The following GTF2H4 variants were observed in gnomAD, a reference collection of about 807,000 sequenced individuals.
The protein encoded by GTF2H4 is general transcription factor IIH subunit 4.
In GTF2H4, 49 loss-of-function variants were observed where a neutral mutation model predicts 62.2. The observed-to-expected ratio is 0.79, with a 90% CI of 0.63 to 1.00. The LOEUF (loss-of-function observed/expected upper bound fraction) is 1.00. Ranked by LOEUF, GTF2H4 falls within the 50% of genes least tolerant of loss-of-function variation. The pLI is 0.00. For missense variants in GTF2H4, 479 were observed against 587.8 expected (o/e 0.81, Z 1.91); for synonymous variants, 189 against 233.8 (o/e 0.81, Z 1.75).
Position 30,910,174 on chromosome 6 carries a change from G to A in GTF2H4, c.374+111G>A, listed in dbSNP as rs962731403. On this transcript the variant is annotated intron_variant, in intron 4 of 13. Coordinates refer to ENST00000259895, the MANE Select transcript of GTF2H4 (RefSeq NM_001517.5). The surrounding 1 kb of genome is among the most constrained non-coding windows in gnomAD (Gnocchi z 4.7). ...CTGGGGGCCTCCCCAGAACCTTGTGGTCTCCACGTTGGGAACTCCTTTAGG... is the reference window on the plus strand; with the variant it reads ...CTGGGGGCCTCCCCAGAACCTTGTGATCTCCACGTTGGGAACTCCTTTAGG... The A allele has an allele frequency of 3.3e-6, 4 of 1,211,064 alleles. No individual in the cohort carries two copies. The highest frequency in any genetic ancestry group is 3.5e-6 in the Non-Finnish European group (3 of 852,182). The allele number at this position is 1,211,064 out of a possible 1,614,324, so 75.0% of individuals were successfully genotyped here. A position where few individuals can be genotyped will look rare whatever the true frequency, so the allele number is the denominator to read the frequency against.
rs957083975 is a variant in GTF2H4, at chr6:30,914,097, A to G, written c.*114A>G. The G allele has an allele frequency of 1.8e-6, 2 of 1,121,586 alleles. No homozygotes were observed. The highest frequency in any genetic ancestry group is 3.3e-5 in the African/African-American group (2 of 61,238). The allele number at this position is 1,121,586 out of a possible 1,614,324, so 69.5% of individuals were successfully genotyped here. A position where few individuals can be genotyped will look rare whatever the true frequency, so the allele number is the denominator to read the frequency against. On this transcript the variant is annotated 3_prime_UTR_variant, in exon 14 of 14. Transcript: ENST00000259895. ...GCTTTTCTTGTTTAATAAAGTTATG[A>G]TAGCTAGCAGTGCGGTCCCGGGCGC...
chr6:30,910,967 T>C lies in GTF2H4; in HGVS notation c.560+26T>C. On this transcript the variant is annotated intron_variant, in intron 6 of 13. Coordinates refer to ENST00000259895, the MANE Select transcript of GTF2H4 (RefSeq NM_001517.5). This position sits in a 1 kb window ranked among gnomAD's most constrained non-coding sequence, Gnocchi z 4.7. ...GTGAGGAAGCCGGAGGTACAGCAGC[T>C]CTCTGCTGTGCCATCTCCTTGGGTC... 6.5e-7 allele frequency: 1 copy of C among 1,530,436 alleles called. No individual in the cohort carries two copies. Among genetic ancestry groups the C allele is most frequent in the Non-Finnish European group, 9.0e-7 (1 of 1,115,848 alleles). The allele number at this position is 1,530,436 out of a possible 1,614,324, so 94.8% of individuals were successfully genotyped here.
Position 30,914,026 on chromosome 6 carries a change from C to T in GTF2H4, c.*43C>T, listed in dbSNP as rs1341431808. On this transcript the variant is annotated 3_prime_UTR_variant, in exon 14 of 14. Transcript: ENST00000259895. ...ACGGACCTCGGCGGGCGGGACTGGG[C>T]GGGGCGGGGCATCAGAACTCAGGTG... 1 of 608,072 alleles carries T rather than the reference C, an allele frequency of 1.6e-6. No homozygotes were observed. The highest frequency in any genetic ancestry group is 2.8e-6 in the Non-Finnish European group (1 of 355,888). 37.7% of individuals were successfully genotyped at this position (608,072 alleles called of 1,614,324 possible).
chr6:30,911,817 T>A lies in GTF2H4; in HGVS notation c.825+50T>A. ...TCCAGGGAAGAAACAGGGTGGTGTG[T>A]TGCCTTTGCCTTTAAAAAGGAGTGG... On this transcript the variant is annotated intron_variant, in intron 9 of 13. Transcript: ENST00000259895. The surrounding 1 kb of genome is among the most constrained non-coding windows in gnomAD (Gnocchi z 4.3). 1 of 1,526,734 alleles carries A rather than the reference T, an allele frequency of 6.5e-7. No homozygotes were observed. Among genetic ancestry groups the A allele is most frequent in the Non-Finnish European group, 9.1e-7 (1 of 1,102,446 alleles). The allele number at this position is 1,526,734 out of a possible 1,614,324, so 94.6% of individuals were successfully genotyped here.
chr6:30,913,032 GTGACATTA>G lies in GTF2H4; in HGVS notation c.1090-77_1090-70del. The G allele has an allele frequency of 7.2e-7, 1 of 1,387,132 alleles. No individual in the cohort carries two copies. Among genetic ancestry groups the G allele is most frequent in the East Asian group, 2.3e-5 (1 of 43,592 alleles). The allele number at this position is 1,387,132 out of a possible 1,614,324, so 85.9% of individuals were successfully genotyped here. A position where few individuals can be genotyped will look rare whatever the true frequency, so the allele number is the denominator to read the frequency against. On this transcript the variant is annotated intron_variant, in intron 11 of 13. Transcript: ENST00000259895. The surrounding 1 kb of genome is among the most constrained non-coding windows in gnomAD (Gnocchi z 4.2). ...GTTTTTAGAATAAGCTGATGTTCCA[GTGACATTA>G]GGTGACAGCTCAGATGGCTTTCCTG...
In GTF2H4 at chr6:30,910,746, C is replaced by A. The variant is rs61748588; in HGVS notation, c.456C>A (p.Ala152=). ...ACGTTCCCTCCCTTGACAAGTACGC[C>A]GAGGAGCGATGGGAGGTAAGCACTT... is the stretch of plus-strand genomic sequence containing the variant. ...ARDVPSLDKY[A]EERWEVVLHF... is the part of the protein sequence containing the mutation. The change falls in exon 5 of 14, where the codon GCC becomes GCA. Residue 152 remains alanine (A), a synonymous_variant. Coordinates refer to ENST00000259895, the MANE Select transcript of GTF2H4 (RefSeq NM_001517.5). The surrounding 1 kb of genome is among the most constrained non-coding windows in gnomAD (Gnocchi z 4.7). 15,522 of 1,612,544 alleles carry A rather than the reference C, an allele frequency of 9.6e-3. 112 individuals are homozygous for A. Among genetic ancestry groups the A allele is most frequent in the Non-Finnish European group, 0.012 (13,982 of 1,179,644 alleles).
At position 30,914,075 on chromosome 6, in the gene GTF2H4, T is replaced by C. The variant is rs1045069616; in HGVS notation, c.*92T>C. 7.2e-6 allele frequency: 9 copies of C among 1,250,580 alleles called. No homozygotes were observed. The highest frequency in any genetic ancestry group is 4.6e-5 in the African/African-American group (3 of 64,776). The allele number at this position is 1,250,580 out of a possible 1,614,324, so 77.5% of individuals were successfully genotyped here. The stretch of plus-strand genomic sequence containing the variant: ...TGTTTTTTATTTACGCGTCAGGGCT[T>C]TTCTTGTTTAATAAAGTTATGATAG... On this transcript the variant is annotated 3_prime_UTR_variant, in exon 14 of 14. Coordinates refer to ENST00000259895, the MANE Select transcript of GTF2H4 (RefSeq NM_001517.5).
At chr6:30,908,876 G>T (rs2150533648) in intron 1 of GTF2H4, among the ~76,000 whole-genome samples, 158 bp from the exon 2 acceptor site, 1 of 152,320 alleles carries the variant, frequency 6.6e-6, no homozygotes, top group African/African-American at 2.4e-5. Flanking sequence ...GATTGGTCAG[G>T]TTTGGGAGAA....
Position 30,909,841 on chromosome 6 carries a change from C to G in GTF2H4, c.243-91C>G, listed in dbSNP as rs1057333070. 4.7e-6 allele frequency: 6 copies of G among 1,277,124 alleles called. No homozygotes were observed. The African/African-American group carries it at 9.0e-5, about 19-fold the overall frequency. The allele number at this position is 1,277,124 out of a possible 1,614,324, so 79.1% of individuals were successfully genotyped here. On this transcript the variant is annotated intron_variant, in intron 3 of 13. Coordinates refer to ENST00000259895, the MANE Select transcript of GTF2H4 (RefSeq NM_001517.5). The surrounding 1 kb of genome is among the most constrained non-coding windows in gnomAD (Gnocchi z 4.3). ...CTCTGTGGAACAGTGTTCCAAGGGT[C>G]AGCAAGTTCAGAACAGGCAGAGATG...
Position 30,913,484 on chromosome 6 carries a change from A to C in GTF2H4, c.1216+97A>C. 7.3e-7 allele frequency: 1 copy of C among 1,370,760 alleles called. No individual in the cohort carries two copies. The highest frequency in any genetic ancestry group is 2.3e-5 in the East Asian group (1 of 42,620). 84.9% of individuals were successfully genotyped at this position (1,370,760 alleles called of 1,614,324 possible). A position where few individuals can be genotyped will look rare whatever the true frequency, so the allele number is the denominator to read the frequency against. Reference sequence around the variant, plus strand: ...TTTTTTACTTCATGGACTAGGAGAGAAAAGCTGGCAAGACAGTTTTTTGTT... The same window carrying C: ...TTTTTTACTTCATGGACTAGGAGAGCAAAGCTGGCAAGACAGTTTTTTGTT... On this transcript the variant is annotated intron_variant, in intron 13 of 13. Transcript: ENST00000259895. The surrounding 1 kb of genome is among the most constrained non-coding windows in gnomAD (Gnocchi z 4.2).
chr6:30,913,930 G>C lies in GTF2H4; in HGVS notation c.1336G>C (p.Ala446Pro), dbSNP rs773352779. 6.2e-7 allele frequency: 1 copy of C among 1,607,896 alleles called. No homozygotes were observed. The highest frequency in any genetic ancestry group is 1.1e-5 in the South Asian group (1 of 90,630). ...SAKRLMVVTP[A>P]GHSDVKRFWK... Reference sequence around the variant, plus strand: ...CAAGCGGCTCATGGTGGTGACCCCGGCCGGGCACAGCGACGTCAAGCGCTT... The same window carrying C: ...CAAGCGGCTCATGGTGGTGACCCCGCCCGGGCACAGCGACGTCAAGCGCTT... The change falls in exon 14 of 14, where the codon GCC becomes CCC. Residue 446 changes from alanine (A) to proline (P), a missense_variant. Coordinates refer to ENST00000259895, the MANE Select transcript of GTF2H4 (RefSeq NM_001517.5). This position sits in a 1 kb window ranked among gnomAD's most constrained non-coding sequence, Gnocchi z 4.2.
Position 30,912,910 on chromosome 6 carries a change from C to T in GTF2H4, c.1090-200C>T, listed in dbSNP as rs1793850151. 1.3e-5 allele frequency among the ~76,000 whole-genome samples: 2 copies of T among 152,096 alleles called. No individual in the cohort carries two copies. The highest frequency in any genetic ancestry group is 1.5e-5 in the Non-Finnish European group (1 of 67,982). On this transcript the variant is annotated intron_variant, in intron 11 of 13. Transcript: ENST00000259895. The surrounding 1 kb of genome is among the most constrained non-coding windows in gnomAD (Gnocchi z 4.8). Reference sequence around the variant, plus strand: ...AAAAACAAAACATTACTGGAAAGGGCGAATGTGCCAGAAAAGGAATATCCC... The same window carrying T: ...AAAAACAAAACATTACTGGAAAGGGTGAATGTGCCAGAAAAGGAATATCCC...
Position 30,912,411 on chromosome 6 carries a change from C to T in GTF2H4, c.1042C>T (p.Arg348Trp), listed in dbSNP as rs551263344. 5.3e-5 allele frequency: 85 copies of T among 1,612,814 alleles called. No homozygotes were observed. The highest frequency in any genetic ancestry group is 8.0e-5 in the African/African-American group (6 of 74,920). ...FPNMVVAQVTRESVQQAIASG... is the reference protein window; with the variant it reads ...FPNMVVAQVTWESVQQAIASG... ...CAACATGGTGGTGGCGCAGGTGACCCGGGAGAGTGTGCAGCAGGCAATCGC... is the reference window on the plus strand; with the variant it reads ...CAACATGGTGGTGGCGCAGGTGACCTGGGAGAGTGTGCAGCAGGCAATCGC... Residue 348 changes from arginine to tryptophan, a missense_variant, in exon 11 of 14, where the codon CGG becomes TGG. By Grantham distance (101) the Arg-to-Trp change is moderately radical (BLOSUM62 -3). Coordinates refer to ENST00000259895, the MANE Select transcript of GTF2H4 (RefSeq NM_001517.5). The surrounding 1 kb of genome is among the most constrained non-coding windows in gnomAD (Gnocchi z 4.8).
rs1582148633 is a variant in GTF2H4 at position 30,908,376 on chromosome 6, G to C, written c.-31G>C. On this transcript the variant is annotated 5_prime_UTR_variant, in exon 1 of 14. Coordinates refer to ENST00000259895, the MANE Select transcript of GTF2H4 (RefSeq NM_001517.5). ...CCGATTAAGCGACGGCCCGAGACTC[G>C]GGGTGCGCGAGGAGGATCGACAGAG... The C allele has an allele frequency of 6.5e-6, 1 of 154,916 alleles. No individual in the cohort carries two copies. Among genetic ancestry groups the C allele is most frequent in the Non-Finnish European group, 1.5e-5 (1 of 68,602 alleles). 9.6% of individuals were successfully genotyped at this position (154,916 alleles called of 1,614,324 possible). A position where few individuals can be genotyped will look rare whatever the true frequency, so the allele number is the denominator to read the frequency against.
Position 30,913,432 on chromosome 6 carries a change from A to G in GTF2H4, c.1216+45A>G, listed in dbSNP as rs551317020. ...CAAGTCTTGGTCATTGGCCAGAGAAAGGGCAGACAGTTCAGTCTGCATTTT... is the reference window on the plus strand; with the variant it reads ...CAAGTCTTGGTCATTGGCCAGAGAAGGGGCAGACAGTTCAGTCTGCATTTT... On this transcript the variant is annotated intron_variant, in intron 13 of 13. Transcript: ENST00000259895. This position sits in a 1 kb window ranked among gnomAD's most constrained non-coding sequence, Gnocchi z 4.2. The G allele has an allele frequency of 6.3e-6, 10 of 1,594,556 alleles. No homozygotes were observed. Among genetic ancestry groups the G allele is most frequent in the African/African-American group, 5.4e-5 (4 of 74,290 alleles).
chr6:30,911,954 G>A lies in GTF2H4; in HGVS notation c.826-60G>A. The A allele has an allele frequency of 1.9e-6, 3 of 1,588,024 alleles. No homozygotes were observed. The Admixed American group carries it at 5.1e-5, about 27-fold the overall frequency. On this transcript the variant is annotated intron_variant, in intron 9 of 13. Transcript: ENST00000259895. The surrounding 1 kb of genome is among the most constrained non-coding windows in gnomAD (Gnocchi z 4.3). ...TCTTGGGAGGGATCTGATATTTCAG[G>A]CAGGAAGATGTAAGGCAGTGACTTC...
chr6:30,909,215 C>T lies in GTF2H4; in HGVS notation c.137+42C>T, dbSNP rs752484085. On this transcript the variant is annotated intron_variant, in intron 2 of 13. Transcript: ENST00000259895. The surrounding 1 kb of genome is among the most constrained non-coding windows in gnomAD (Gnocchi z 4.3). ...TGGCAGGGAAATGTAATGGGGTCTG[C>T]GGAGTGGAATAAAATATCATAGGTA... The T allele has an allele frequency of 1.2e-5, 19 of 1,585,130 alleles. No individual in the cohort carries two copies. The highest frequency in any genetic ancestry group is 3.4e-5 in the South Asian group (3 of 88,230).
Position 30,912,949 on chromosome 6 carries a change from C to T in GTF2H4, c.1090-161C>T, listed in dbSNP as rs1793853260. ...AAGGAATATCCCACGTTGCTGGGAG[C>T]AGCAACGTGGGATAACAGCTGAACT... On this transcript the variant is annotated intron_variant, in intron 11 of 13. Coordinates refer to ENST00000259895, the MANE Select transcript of GTF2H4 (RefSeq NM_001517.5). This position sits in a 1 kb window ranked among gnomAD's most constrained non-coding sequence, Gnocchi z 4.8. Among the ~76,000 whole-genome samples the T allele has an allele frequency of 6.6e-6, 1 of 152,130 alleles. No homozygotes were observed. The highest frequency in any genetic ancestry group is 1.5e-5 in the Non-Finnish European group (1 of 68,034).
In GTF2H4 at chr6:30,914,030, G is replaced by A. The variant is rs1344951427; in HGVS notation, c.*47G>A. On this transcript the variant is annotated 3_prime_UTR_variant, in exon 14 of 14. Transcript: ENST00000259895. The stretch of plus-strand genomic sequence containing the variant: ...ACCTCGGCGGGCGGGACTGGGCGGG[G>A]CGGGGCATCAGAACTCAGGTGTTTT... 4.1e-6 allele frequency: 6 copies of A among 1,471,148 alleles called. No homozygotes were observed. The highest frequency in any genetic ancestry group is 2.5e-4 in the Middle Eastern group (1 of 3,934). 91.1% of individuals were successfully genotyped at this position (1,471,148 alleles called of 1,614,324 possible). A position where few individuals can be genotyped will look rare whatever the true frequency, so the allele number is the denominator to read the frequency against.
Sources: allele counts gnomAD v4.1 joint callset (sites outside exome capture counted in the v4.1 genomes callset), GRCh38; gene constraint gnomAD v4.1.1; non-coding constraint Gnocchi (gnomAD v3.1); transcripts MANE v1.5; gene names NCBI Gene and HGNC (gene_info 2026-07-23, HGNC 2026-07-21).